CRPPA: variants seen among roughly 807,000 people sequenced by gnomAD.
CRPPA encodes the protein D-ribitol-5-phosphate cytidylyltransferase.
In CRPPA, 43 loss-of-function variants were observed where a neutral mutation model predicts 52.0. The observed-to-expected ratio is 0.83, with a 90% CI of 0.65 to 1.07. The LOEUF is 1.07. Among genes scored for constraint, CRPPA ranks in the 50% least tolerant of loss-of-function variants. The probability of loss-of-function intolerance (pLI) is 0.00; values close to 1 mark genes in which losing one functional copy is unlikely to be tolerated. For synonymous variants in CRPPA, 250 were observed against 203.5 expected (o/e 1.23, Z -1.94); for missense variants, 629 against 551.7 (o/e 1.14, Z -1.40).
rs1427559708 is a variant in CRPPA at position 16,099,368 on chromosome 7, G to T, written c.1252-7569C>A. ...AGGAAGGGGAGGGAAGGGGAGTGTA[G>T]AGGAAGGCAGAGGGAAGGGGAGGGG... On this transcript the variant is annotated intron_variant, in intron 9 of 9. Coordinates refer to ENST00000407010, the MANE Select transcript of CRPPA (RefSeq NM_001101426.4). 2.1e-5 allele frequency among the ~76,000 whole-genome samples: 3 copies of T among 140,030 alleles called. No homozygotes were observed. The East Asian group carries it at 6.6e-4, about 31-fold the overall frequency. 91.9% of individuals were successfully genotyped at this position (140,030 alleles called of 152,430 possible).
chr7:16,368,592 G>C (rs1043130681), intron 3 of CRPPA, among the ~76,000 whole-genome samples: 5 of 152,068 alleles, frequency 3.3e-5, no homozygotes, highest in Non-Finnish European at 5.9e-5. Context: ...TTACAAACAG[G>C]CATATATAGA....
chr7:16,342,429 C>T (rs1785871113), intron 3 of CRPPA, among the ~76,000 whole-genome samples: 1 of 151,886 alleles, frequency 6.6e-6, no homozygotes, highest in African/African-American at 2.4e-5. Flanking sequence ...AAAACAGGCA[C>T]AAACTTATAT....
intron 3 of CRPPA, among the ~76,000 whole-genome samples, chr7:16,366,449 G>C (rs1042467342): frequency 4.1e-4 from 62 of 152,264 alleles, no homozygotes; most frequent in African/African-American, 1.3e-3. Context: ...AGCTACAGAA[G>C]ATGTGGCTGA....
chr7:16,386,836 C>G (rs1277457797), intron 2 of CRPPA, among the ~76,000 whole-genome samples: 2 of 151,646 alleles, frequency 1.3e-5, no homozygotes, highest in African/African-American at 4.8e-5. Context: ...GCCTGGCCAA[C>G]AGGGGAAACC....
At chr7:16,363,769 GA>G (rs1035271734) in intron 3 of CRPPA, among the ~76,000 whole-genome samples, 3 of 152,054 alleles carry the variant, frequency 2.0e-5, no homozygotes, top group East Asian at 1.9e-4. Context: ...GACCAGTGGG[GA>G]AAAAAACACA....
At chr7:16,130,741 G>A (rs1782665395) in intron 9 of CRPPA, among the ~76,000 whole-genome samples, 1 of 152,188 alleles carries the variant, frequency 6.6e-6, no homozygotes, top group Non-Finnish European at 1.5e-5. Flanking sequence ...ATTCCTAGAA[G>A]TTTGGGCTTT....
At position 16,089,416 on chromosome 7, in the gene CRPPA, C is replaced by T. The variant is rs926379026; in HGVS notation, c.*2279G>A. 1.6e-4 allele frequency: 54 copies of T among 333,518 alleles called. No individual in the cohort carries two copies. The highest frequency in any genetic ancestry group is 9.6e-4 in the Middle Eastern group (1 of 1,046). 20.7% of individuals were successfully genotyped at this position (333,518 alleles called of 1,614,324 possible). A position where few individuals can be genotyped will look rare whatever the true frequency, so the allele number is the denominator to read the frequency against. ...TATGTACATAATGTGTATATATGTA[C>T]GTACATACATATATGTGTATATATG... On this transcript the variant is annotated 3_prime_UTR_variant, in exon 10 of 10. Coordinates refer to ENST00000407010, the MANE Select transcript of CRPPA (RefSeq NM_001101426.4).
intron 9 of CRPPA, among the ~76,000 whole-genome samples, chr7:16,148,750 G>A (rs560163977): frequency 2.7e-4 from 41 of 152,126 alleles, no homozygotes; most frequent in African/African-American, 5.5e-4. Flanking sequence ...GACCAAGTCC[G>A]TGATAATATT....
chr7:16,368,915 C>G (rs1786677951), intron 3 of CRPPA, among the ~76,000 whole-genome samples: 1 of 152,074 alleles, frequency 6.6e-6, no homozygotes, highest in South Asian at 2.1e-4. Context: ...ACATATATAA[C>G]TCACATCAAA....
At chr7:16,306,966 T>A (rs1451159329) in intron 4 of CRPPA, among the ~76,000 whole-genome samples, 1 of 152,170 alleles carries the variant, frequency 6.6e-6, no homozygotes, top group Non-Finnish European at 1.5e-5. Flanking sequence ...AGTCTTAGAA[T>A]TCAACATTTT....
intron 8 of CRPPA, among the ~76,000 whole-genome samples, chr7:16,255,251 T>C (rs576477853): frequency 6.6e-6 from 1 of 152,150 alleles, no homozygotes; most frequent in Non-Finnish European, 1.5e-5. Context: ...GAAAGAGCTC[T>C]TCAAGGAGAA....
At chr7:16,419,634 C>A (rs1031135734) in intron 1 of CRPPA, among the ~76,000 whole-genome samples, 1 of 152,074 alleles carries the variant, frequency 6.6e-6, no homozygotes, top group Admixed American at 6.6e-5. Context: ...ATTTTATAGA[C>A]CCTTCACTCC....
In CRPPA at chr7:16,391,687, A is replaced by G. The variant is rs1787449539; in HGVS notation, c.534+14374T>C. 2.0e-5 allele frequency among the ~76,000 whole-genome samples: 3 copies of G among 152,184 alleles called. No individual in the cohort carries two copies. The South Asian group carries it at 6.2e-4, about 31-fold the overall frequency. On this transcript the variant is annotated intron_variant, in intron 2 of 9. Coordinates refer to ENST00000407010, the MANE Select transcript of CRPPA (RefSeq NM_001101426.4). Reference sequence around the variant, plus strand: ...AGCTTAGGTACTAGACAGTGGAGTTAGCCTATTTCCATCACTGCAGAATGT... The same window carrying G: ...AGCTTAGGTACTAGACAGTGGAGTTGGCCTATTTCCATCACTGCAGAATGT...
At chr7:16,166,667 C>A (rs992623223) in intron 9 of CRPPA, among the ~76,000 whole-genome samples, 1 of 152,112 alleles carries the variant, frequency 6.6e-6, no homozygotes, top group Non-Finnish European at 1.5e-5. Flanking sequence ...TTGTCCTACT[C>A]GAGAGTCTCC....
intron 2 of CRPPA, among the ~76,000 whole-genome samples, chr7:16,389,928 A>AAAAAAATATATATATAT: frequency 3.4e-5 from 1 of 29,768 alleles, no homozygotes; most frequent in Non-Finnish European, 5.3e-5. Flanking sequence ...AAAAAAAAAA[A>AAAAAAATATATATATAT]ATATATATAT....
At chr7:16,116,683 A>G (rs1050619677) in intron 9 of CRPPA, among the ~76,000 whole-genome samples, 1 of 149,002 alleles carries the variant, frequency 6.7e-6, no homozygotes, top group African/African-American at 2.5e-5. Context: ...AAAGGAAAGG[A>G]AAGGGAAGGG....
intron 2 of CRPPA, among the ~76,000 whole-genome samples, chr7:16,405,655 C>G (rs1787935575): frequency 6.6e-6 from 1 of 152,082 alleles, no homozygotes; most frequent in Non-Finnish European, 1.5e-5. Flanking sequence ...CTATGAAAAT[C>G]TTATATAGTA....
chr7:16,178,955 A>T (rs1256444263), intron 9 of CRPPA, among the ~76,000 whole-genome samples: 2 of 152,120 alleles, frequency 1.3e-5, no homozygotes, highest in Non-Finnish European at 2.9e-5. Context: ...AGAAATACAA[A>T]GACATGGAGA....
At chr7:16,309,539 G>C (rs1990016) in intron 3 of CRPPA, among the ~76,000 whole-genome samples, 12,598 of 152,210 alleles carry the variant, frequency 0.083, 874 homozygotes, top group African/African-American at 0.19. Context: ...TGAACAAGGA[G>C]GATTATGTTT....
Sources: gnomAD v4.1 joint callset for allele counts (sites outside exome capture counted in the v4.1 genomes callset) on GRCh38, gnomAD v4.1.1 for gene constraint, MANE v1.5 for transcripts, NCBI Gene and HGNC (gene_info 2026-07-23, HGNC 2026-07-21) for gene names.